The following NPTXR variants were observed in gnomAD, a reference collection of about 807,000 sequenced individuals.
NPTXR encodes neuronal pentraxin receptor.
NPTXR carries 12 observed loss-of-function variants against 32.2 expected under a neutral mutation model. That is an observed-to-expected ratio of 0.37 (90% CI 0.24 to 0.60). The LOEUF (loss-of-function observed/expected upper bound fraction) is 0.60. NPTXR is among the 20% of genes least tolerant of loss of function. NPTXR has a pLI of 0.66. For missense variants in NPTXR, 612 were observed against 682.9 expected, an observed-to-expected ratio of 0.90 and a Z score of 1.16; for synonymous variants, 323 against 315.8, an observed-to-expected ratio of 1.02 and a Z score of -0.24.
Position 38,843,203 on chromosome 22 carries a change from G to T in NPTXR, c.624+32C>A. 7.7e-7 allele frequency: 1 copy of T among 1,294,666 alleles called. No individual in the cohort carries two copies. Among genetic ancestry groups the T allele is most frequent in the South Asian group, 2.3e-5 (1 of 42,626 alleles). 80.2% of individuals were successfully genotyped at this position (1,294,666 alleles called of 1,614,324 possible). On this transcript the variant is annotated intron_variant, in intron 1 of 4. Transcript: ENST00000333039. The surrounding 1 kb of genome is among the most constrained non-coding windows in gnomAD (Gnocchi z 5.3). ...GGCCGGGCGGCCCCTCACACCACCCGGGCGGCTCCCCCGACGGCGCGCGGC... is the reference window on the plus strand; with the variant it reads ...GGCCGGGCGGCCCCTCACACCACCCTGGCGGCTCCCCCGACGGCGCGCGGC...
rs138621887 is a variant in NPTXR, at chr22:38,823,771, G to A, written c.1099-509C>T. On this transcript the variant is annotated intron_variant, in intron 3 of 4. Coordinates refer to ENST00000333039, the MANE Select transcript of NPTXR (RefSeq NM_014293.4). ...TGTAAAGTGAGGTCAGACAAGGGAT[G>A]ACAAGTCTGCAAGGGATGGCAAATC... 2.1e-3 allele frequency among the ~76,000 whole-genome samples: 326 copies of A among 152,308 alleles called. 4 individuals are homozygous for A. The highest frequency in any genetic ancestry group is 7.2e-3 in the African/African-American group (300 of 41,554).
In NPTXR at chr22:38,843,305, TC is replaced by T; in HGVS notation, c.553del (p.Asp185ThrfsTer31). The T allele has an allele frequency of 7.0e-7, 1 of 1,430,194 alleles. No homozygotes were observed. The highest frequency in any genetic ancestry group is 3.0e-5 in the Admixed American group (1 of 33,718). 88.6% of individuals were successfully genotyped at this position (1,430,194 alleles called of 1,614,324 possible). On this transcript the variant is annotated frameshift_variant, in exon 1 of 5. Transcript: ENST00000333039. LOFTEE classifies it high-confidence loss of function. The surrounding 1 kb of genome is among the most constrained non-coding windows in gnomAD (Gnocchi z 5.3). ...CAGCTCCAGAATGAGCGCAGGCGAG[TC>T]CCAGGGCCCGTCGGCCATGGTGTCG...
rs576315592 is a variant in NPTXR, at chr22:38,837,892, G to A, written c.624+5343C>T. ...TTTATTTGAGACAGAGTTTCGCTCT[G>A]TTGCCCAGGCTGGAGTGCAGTGGCA... On this transcript the variant is annotated intron_variant, in intron 1 of 4. Coordinates refer to ENST00000333039, the MANE Select transcript of NPTXR (RefSeq NM_014293.4). 5.9e-3 allele frequency among the ~76,000 whole-genome samples: 463 copies of A among 78,340 alleles called. 2 individuals carry two copies. The highest frequency in any genetic ancestry group is 6.8e-3 in the Middle Eastern group (1 of 148). The allele number at this position is 78,340 out of a possible 152,430, so 51.4% of individuals were successfully genotyped here.
intron 1 of NPTXR, among the ~76,000 whole-genome samples, chr22:38,833,839 G>C (rs746370655): frequency 6.6e-6 from 1 of 152,014 alleles, no homozygotes; most frequent in Non-Finnish European, 1.5e-5. Context: ...ACCTCACCCA[G>C]CTAATTTTTT....
intron 1 of NPTXR, among the ~76,000 whole-genome samples, chr22:38,841,413 C>T (rs2093131466): frequency 6.6e-6 from 1 of 152,386 alleles, no homozygotes; most frequent in East Asian, 1.9e-4. Context: ...AGGGAGGCCA[C>T]CCTGCCAAAT....
chr22:38,822,756 G>C lies in NPTXR; in HGVS notation c.1356C>G (p.Ala452=). ...TGCCCAGGACCTGGGCTGGTGTCAG[G>C]GCGTGGTCCCACAGGTTAAACTGGG... The change falls in exon 5 of 5, where the codon GCC becomes GCG. Residue 452 remains alanine (A), a synonymous_variant. Coordinates refer to ENST00000333039, the MANE Select transcript of NPTXR (RefSeq NM_014293.4). The C allele has an allele frequency of 1.2e-5, 20 of 1,614,184 alleles. No individual in the cohort carries two copies. The highest frequency in any genetic ancestry group is 1.7e-5 in the Non-Finnish European group (20 of 1,180,020).
chr22:38,836,422 T>C (rs1190651059), intron 1 of NPTXR, among the ~76,000 whole-genome samples: 1 of 152,194 alleles, frequency 6.6e-6, no homozygotes, highest in Non-Finnish European at 1.5e-5. Flanking sequence ...CACACGGCAA[T>C]GAAAACGGCA....
At position 38,843,305 on chromosome 22, in the gene NPTXR, T is replaced by C. The variant is rs1489223042; in HGVS notation, c.554A>G (p.Asp185Gly). 3.5e-6 allele frequency: 5 copies of C among 1,430,090 alleles called. No individual in the cohort carries two copies. The highest frequency in any genetic ancestry group is 4.6e-6 in the Non-Finnish European group (5 of 1,098,846). The allele number at this position is 1,430,090 out of a possible 1,614,324, so 88.6% of individuals were successfully genotyped here. A position where few individuals can be genotyped will look rare whatever the true frequency, so the allele number is the denominator to read the frequency against. ...CAGCTCCAGAATGAGCGCAGGCGAGTCCCAGGGCCCGTCGGCCATGGTGTC... is the reference window on the plus strand; with the variant it reads ...CAGCTCCAGAATGAGCGCAGGCGAGCCCCAGGGCCCGTCGGCCATGGTGTC... Residue 185 changes from aspartate to glycine, a missense_variant, in exon 1 of 5, where the codon GAC becomes GGC. Asp to Gly is a moderately conservative substitution (Grantham distance 94, BLOSUM62 -1). Coordinates refer to ENST00000333039, the MANE Select transcript of NPTXR (RefSeq NM_014293.4). This position sits in a 1 kb window ranked among gnomAD's most constrained non-coding sequence, Gnocchi z 5.3.
rs573116872 is a variant in NPTXR, at chr22:38,819,532, C to T, written c.*3077G>A. 1 of 152,470 alleles carries T rather than the reference C, an allele frequency of 6.6e-6. No homozygotes were observed. The highest frequency in any genetic ancestry group is 2.1e-4 in the South Asian group (1 of 4,830). The allele number at this position is 152,470 out of a possible 1,614,324, so 9.4% of individuals were successfully genotyped here. A position where few individuals can be genotyped will look rare whatever the true frequency, so the allele number is the denominator to read the frequency against. On this transcript the variant is annotated 3_prime_UTR_variant, in exon 5 of 5. Coordinates refer to ENST00000333039, the MANE Select transcript of NPTXR (RefSeq NM_014293.4). ...TGGGAACTCAGCCCCTGGACGTAAC[C>T]CCCTTTGGTTTGAAATCTGGGCTCC...
chr22:38,823,285 C>G (rs1361451359), intron 3 of NPTXR, 23 bp from the exon 4 acceptor site: 6 of 1,605,150 alleles, frequency 3.7e-6, no homozygotes, highest in Middle Eastern at 1.7e-4. Context: ...CCCCCAACCC[C>G]AGGTCAGAGG....
intron 1 of NPTXR, among the ~76,000 whole-genome samples, chr22:38,839,788 C>T (rs1388826921): frequency 6.6e-6 from 1 of 152,140 alleles, no homozygotes; most frequent in Admixed American, 6.5e-5. Flanking sequence ...CAATGAACAT[C>T]TGGAAGAAAA....
At position 38,828,479 on chromosome 22, in the gene NPTXR, C is replaced by A. The variant is rs762265043; in HGVS notation, c.658G>T (p.Ala220Ser). ...GGCACAGCAGAGACTGGGGCTGGGG[C>A]AGCTGAGAGGTTCACACGGGCTGGA... The change falls in exon 2 of 5, where the codon GCC becomes TCC. Residue 220 changes from alanine to serine, a missense_variant. Ala to Ser is a moderately conservative substitution (Grantham distance 99). Transcript: ENST00000333039. 3.1e-6 allele frequency: 5 copies of A among 1,608,640 alleles called. No individual in the cohort carries two copies. Among genetic ancestry groups the A allele is most frequent in the Non-Finnish European group, 4.2e-6 (5 of 1,178,060 alleles).
In NPTXR at chr22:38,822,533, G is replaced by A; in HGVS notation, c.*76C>T. ...AGGAGGGAAGGCCAGTGCGTGGGCA[G>A]GCTGAGGAGGGAATATGACCCCCCT... On this transcript the variant is annotated 3_prime_UTR_variant, in exon 5 of 5. Transcript: ENST00000333039. The A allele has an allele frequency of 4.5e-6, 6 of 1,318,906 alleles. No individual in the cohort carries two copies. The Middle Eastern group carries it at 1.3e-3, about 282-fold the overall frequency. 81.7% of individuals were successfully genotyped at this position (1,318,906 alleles called of 1,614,324 possible).
At chr22:38,823,927 T>C (rs2252528) in intron 3 of NPTXR, among the ~76,000 whole-genome samples, 43,207 of 152,034 alleles carry the variant, frequency 0.28, 7,633 homozygotes, top group Admixed American at 0.45. Flanking sequence ...GTGCTTGCTG[T>C]CTGTGGATTT....
rs2093121860 is a variant in NPTXR, at chr22:38,834,994, C to G, written c.625-6482G>C. Among the ~76,000 whole-genome samples, 1 of 152,182 alleles carries G rather than the reference C, an allele frequency of 6.6e-6. No homozygotes were observed. On this transcript the variant is annotated intron_variant, in intron 1 of 4. Coordinates refer to ENST00000333039, the MANE Select transcript of NPTXR (RefSeq NM_014293.4). The surrounding 1 kb of genome is among the most constrained non-coding windows in gnomAD (Gnocchi z 4.4). ...TGGGTGGAAATGCCAGCTGAGTGAG[C>G]TGGACAAGCTTCTGAAACTTTCTGA...
At chr22:38,840,151 T>G (rs1000557886) in intron 1 of NPTXR, among the ~76,000 whole-genome samples, 1 of 151,966 alleles carries the variant, frequency 6.6e-6, no homozygotes, top group Non-Finnish European at 1.5e-5. Flanking sequence ...TTCCCTTTTG[T>G]AGGAGGGGTG....
rs368736692 is a variant in NPTXR, at chr22:38,826,673, C to T, written c.925G>A (p.Val309Met). 1.9e-5 allele frequency: 31 copies of T among 1,613,996 alleles called. No individual in the cohort carries two copies. Among genetic ancestry groups the T allele is most frequent in the South Asian group, 3.3e-5 (3 of 91,092 alleles). The change falls in exon 3 of 5, where the codon GTG becomes ATG. Residue 309 changes from valine (V) to methionine (M), a missense_variant. Val to Met is a conservative substitution (Grantham distance 21). Coordinates refer to ENST00000333039, the MANE Select transcript of NPTXR (RefSeq NM_014293.4). ...TAGAGCTCGGGCAGAGCCTTCCGCA[C>T]GCGGGCGTACATGTAGTTGTTACGG...
At position 38,843,336 on chromosome 22, in the gene NPTXR, G is replaced by C. The variant is rs1242669857; in HGVS notation, c.523C>G (p.Arg175Gly). The change falls in exon 1 of 5, where the codon CGC (arginine) becomes GGC (glycine). Residue 175 changes from arginine (R) to glycine (G), a missense_variant. By Grantham distance (125) the Arg-to-Gly change is moderately radical. Transcript: ENST00000333039. This position sits in a 1 kb window ranked among gnomAD's most constrained non-coding sequence, Gnocchi z 5.3. ...GGCCCGTCGGCCATGGTGTCGCGGC[G>C]GGGCCCGGCGCCCTGGAGGCCGCGC... The C allele has an allele frequency of 2.2e-5, 31 of 1,416,224 alleles. No homozygotes were observed. Among genetic ancestry groups the C allele is most frequent in the Non-Finnish European group, 2.8e-5 (31 of 1,092,922 alleles). The allele number at this position is 1,416,224 out of a possible 1,614,324, so 87.7% of individuals were successfully genotyped here. A position where few individuals can be genotyped will look rare whatever the true frequency, so the allele number is the denominator to read the frequency against.
At chr22:38,823,881 C>T (rs1378855391) in intron 3 of NPTXR, among the ~76,000 whole-genome samples, 1 of 152,216 alleles carries the variant, frequency 6.6e-6, no homozygotes, top group East Asian at 1.9e-4. Flanking sequence ...TGGAAAGCCA[C>T]TGCTGATGGG....
Sources: allele counts gnomAD v4.1 joint callset (sites outside exome capture counted in the v4.1 genomes callset), GRCh38; gene constraint gnomAD v4.1.1; non-coding constraint Gnocchi (gnomAD v3.1); transcripts MANE v1.5; gene names NCBI Gene and HGNC (gene_info 2026-07-23, HGNC 2026-07-21).